Variants in FBXL17 observed in about 807,000 individuals in gnomAD.
The protein encoded by FBXL17 is F-box/LRR-repeat protein 17.
In FBXL17, 22 loss-of-function variants were observed where a neutral mutation model predicts 66.2. The ratio of observed to expected loss-of-function variants is 0.33; its 90% CI spans 0.24 to 0.47. FBXL17 has a LOEUF of 0.47. Among genes scored for constraint, FBXL17 ranks in the 20% least tolerant of loss-of-function variants. The probability of loss-of-function intolerance (pLI) is 1.00; values close to 1 mark genes in which losing one functional copy is unlikely to be tolerated. For missense variants in FBXL17, 878 were observed against 948.2 expected (o/e 0.93, Z 0.97); for synonymous variants, 474 against 400.5 (o/e 1.18, Z -2.19).
intron 7 of FBXL17, among the ~76,000 whole-genome samples, chr5:107,993,214 C>T (rs1028249690): frequency 1.3e-5 from 2 of 152,016 alleles, no homozygotes; most frequent in Non-Finnish European, 2.9e-5. Flanking sequence ...TTTCTAAGTC[C>T]TATCACTTGT....
In FBXL17 at chr5:108,381,159, A is replaced by T. The variant is rs1305939801; in HGVS notation, c.533T>A (p.Leu178His). 7.0e-6 allele frequency: 10 copies of T among 1,419,288 alleles called. No individual in the cohort carries two copies. The highest frequency in any genetic ancestry group is 9.2e-6 in the Non-Finnish European group (10 of 1,088,750). 87.9% of individuals were successfully genotyped at this position (1,419,288 alleles called of 1,614,324 possible). A position where few individuals can be genotyped will look rare whatever the true frequency, so the allele number is the denominator to read the frequency against. ...CGGTGACGGTGTCGGCCCCCGGAAG[A>T]GCTGCACGGCGGCGGGCGGCCCCAG... ...RFLGPPAAVQLFRGPTPSPAE... is the reference protein window; with the variant it reads ...RFLGPPAAVQHFRGPTPSPAE... The change falls in exon 1 of 9, where the codon CTC becomes CAC. Residue 178 changes from leucine to histidine, a missense_variant. Leu to His is a moderately conservative substitution (Grantham distance 99, BLOSUM62 -3). Coordinates refer to ENST00000542267, the MANE Select transcript of FBXL17 (RefSeq NM_001163315.3).
At chr5:107,867,810 G>A (rs1748319440) in intron 8 of FBXL17, among the ~76,000 whole-genome samples, 1 of 152,102 alleles carries the variant, frequency 6.6e-6, no homozygotes, top group Non-Finnish European at 1.5e-5. Context: ...GGTGCCTCAG[G>A]AGCATGCAAT....
intron 6 of FBXL17, among the ~76,000 whole-genome samples, chr5:108,083,535 G>A (rs1334875921): frequency 6.6e-6 from 1 of 151,938 alleles, no homozygotes; most frequent in African/African-American, 2.4e-5. Context: ...TGATTAGCTG[G>A]GACACAGGTG....
chr5:108,302,374 A>C (rs751594083), intron 4 of FBXL17, among the ~76,000 whole-genome samples: 1 of 151,796 alleles, frequency 6.6e-6, no homozygotes, highest in Non-Finnish European at 1.5e-5. Flanking sequence ...AAATAAAAGA[A>C]ATACATATTG....
At chr5:108,011,253 C>A (rs1754159577) in intron 7 of FBXL17, among the ~76,000 whole-genome samples, 1 of 152,044 alleles carries the variant, frequency 6.6e-6, no homozygotes, top group South Asian at 2.1e-4. Flanking sequence ...CTGGTGAGGA[C>A]AAAATTATCT....
intron 4 of FBXL17, among the ~76,000 whole-genome samples, chr5:108,346,044 T>TA (rs1747258280): frequency 6.6e-6 from 1 of 152,270 alleles, no homozygotes; most frequent in Admixed American, 6.5e-5. Flanking sequence ...GTTGCTAACT[T>TA]AAAATATTTG....
chr5:108,184,285 G>A (rs755826260), intron 6 of FBXL17, among the ~76,000 whole-genome samples: 1 of 152,020 alleles, frequency 6.6e-6, no homozygotes, highest in Non-Finnish European at 1.5e-5. Flanking sequence ...TTAGTCGGAT[G>A]TGGTGGTACA....
chr5:107,988,953 A>C (rs998079166), intron 7 of FBXL17, among the ~76,000 whole-genome samples: 2 of 151,996 alleles, frequency 1.3e-5, no homozygotes, highest in Non-Finnish European at 2.9e-5. Context: ...ACTTTAACTC[A>C]TATCATGGCT....
chr5:108,154,188 TGAGA>T (rs543516657), intron 6 of FBXL17, among the ~76,000 whole-genome samples: 3 of 134,692 alleles, frequency 2.2e-5, no homozygotes, highest in African/African-American at 8.5e-5. Flanking sequence ...AATGGGAGAA[TGAGA>T]GAGAGAGAGA....
At chr5:108,333,644 A>T (rs1485979666) in intron 4 of FBXL17, among the ~76,000 whole-genome samples, 1 of 152,142 alleles carries the variant, frequency 6.6e-6, no homozygotes, top group Admixed American at 6.5e-5. Flanking sequence ...GTCAATTCTC[A>T]ATTTATCAAC....
chr5:107,864,948 C>T (rs1748230940), intron 8 of FBXL17, among the ~76,000 whole-genome samples: 1 of 152,170 alleles, frequency 6.6e-6, no homozygotes, highest in Non-Finnish European at 1.5e-5. Context: ...AGATGACTTG[C>T]CTTCCTTCTG....
chr5:108,270,279 A>G (rs886243807), intron 4 of FBXL17, among the ~76,000 whole-genome samples: 2 of 151,916 alleles, frequency 1.3e-5, no homozygotes, highest in Admixed American at 6.6e-5. Context: ...CAAAAAAGTG[A>G]AGGCGATCTC....
Position 108,248,335 on chromosome 5 carries a change from C to G in FBXL17, c.1507-24107G>C, listed in dbSNP as rs190651659. Among the ~76,000 whole-genome samples the G allele has an allele frequency of 9.7e-4, 147 of 152,180 alleles. 2 individuals carry two copies. Among genetic ancestry groups the G allele is most frequent in the Non-Finnish European group, 4.9e-4 (33 of 67,996 alleles). On this transcript the variant is annotated intron_variant, in intron 4 of 8. Transcript: ENST00000542267. ...CAAAACGAAAAAGTCATTGGATGATCTCAACAGCAGAATGAAGGCAAGACA... is the reference window on the plus strand; with the variant it reads ...CAAAACGAAAAAGTCATTGGATGATGTCAACAGCAGAATGAAGGCAAGACA...
At chr5:107,974,920 G>C (rs1752520561) in intron 7 of FBXL17, among the ~76,000 whole-genome samples, 1 of 152,064 alleles carries the variant, frequency 6.6e-6, no homozygotes, top group Admixed American at 6.6e-5. Flanking sequence ...AACTGACCTT[G>C]GAGTTGTATA....
At chr5:108,066,208 G>C (rs1738432183) in intron 6 of FBXL17, among the ~76,000 whole-genome samples, 1 of 152,108 alleles carries the variant, frequency 6.6e-6, no homozygotes, top group Non-Finnish European at 1.5e-5. Flanking sequence ...TGAAATCTAA[G>C]AGATTATTCA....
chr5:108,377,213 T>A (rs995879268), intron 1 of FBXL17, among the ~76,000 whole-genome samples: 7 of 152,156 alleles, frequency 4.6e-5, no homozygotes, highest in African/African-American at 1.7e-4. Flanking sequence ...TGCTCTCAGT[T>A]AGACAACCTC....
chr5:108,347,056 C>T (rs563309329), intron 4 of FBXL17, among the ~76,000 whole-genome samples: 1 of 152,164 alleles, frequency 6.6e-6, no homozygotes, highest in African/African-American at 2.4e-5. Flanking sequence ...TTTTCAAATA[C>T]AGACATGCAT....
intron 6 of FBXL17, among the ~76,000 whole-genome samples, chr5:108,180,924 A>C (rs1752976723): frequency 6.6e-6 from 1 of 152,138 alleles, no homozygotes; most frequent in Non-Finnish European, 1.5e-5. Flanking sequence ...GGATTAAATA[A>C]ACTAAGTTCA....
At chr5:107,875,726 C>T (rs755214242) in intron 8 of FBXL17, among the ~76,000 whole-genome samples, 6 of 152,202 alleles carry the variant, frequency 3.9e-5, no homozygotes, top group Non-Finnish European at 7.3e-5. Flanking sequence ...AAAGAAATCA[C>T]TATTTCACTC....
Sources: allele counts gnomAD v4.1 joint callset (sites outside exome capture counted in the v4.1 genomes callset), GRCh38; gene constraint gnomAD v4.1.1; transcripts MANE v1.5; gene names NCBI Gene and HGNC (gene_info 2026-07-23, HGNC 2026-07-21).